Variants in AGGF1 observed in about 807,000 individuals in gnomAD.
AGGF1 encodes the protein angiogenic factor with G patch and FHA domains 1.
Under a neutral mutation model 86.5 loss-of-function variants are expected in AGGF1, and 56 were observed. That is an observed-to-expected ratio of 0.65 (90% confidence interval 0.52 to 0.81). The LOEUF is 0.81. Among genes scored for constraint, AGGF1 ranks in the 30% least tolerant of loss-of-function variants. AGGF1 has a pLI of 0.00. For missense variants in AGGF1, 816 were observed against 850.9 expected (o/e 0.96, Z 0.51); for synonymous variants, 313 against 297.1 (o/e 1.05, Z -0.55).
chr5:77,049,619 G>A (rs929396833), intron 8 of AGGF1, among the ~76,000 whole-genome samples: 4 of 146,724 alleles, frequency 2.7e-5, no homozygotes, highest in East Asian at 2.0e-4. Flanking sequence ...ATGTGATCAC[G>A]ACTCACTGCA....
At position 77,045,271 on chromosome 5, in the gene AGGF1, A is replaced by G. The variant is rs941870662; in HGVS notation, c.871-1076A>G. Among the ~76,000 whole-genome samples, 18 of 152,344 alleles carry G rather than the reference A, an allele frequency of 1.2e-4. 1 individual carries two copies. The highest frequency in any genetic ancestry group is 2.1e-4 in the South Asian group (1 of 4,834). ...TTGACCATTGTATAACACGGTGACT[A>G]TTGTTAATAACAATGTGTTGTATTA... On this transcript the variant is annotated intron_variant, in intron 5 of 13. Coordinates refer to ENST00000312916, the MANE Select transcript of AGGF1 (RefSeq NM_018046.5).
In AGGF1 at chr5:77,054,100, C is replaced by T; in HGVS notation, c.1603C>T (p.Leu535Phe). The stretch of plus-strand genomic sequence containing the variant: ...TGAACCAGGGCAGGTTAGAGCCCAC[C>T]TTCGCCTTGATAAGAAAGATGAATC... ...GCEPGQVRAHLRLDKKDESFV... is the reference protein window; with the variant it reads ...GCEPGQVRAHFRLDKKDESFV... Residue 535 changes from leucine (L) to phenylalanine (F), a missense_variant, in exon 10 of 14, where the codon CTT becomes TTT. Transcript: ENST00000312916. 2.5e-6 allele frequency: 4 copies of T among 1,614,158 alleles called. No individual in the cohort carries two copies. The highest frequency in any genetic ancestry group is 3.4e-6 in the Non-Finnish European group (4 of 1,180,026).
At chr5:77,046,919 C>T (rs1420960962) in intron 6 of AGGF1, among the ~76,000 whole-genome samples, 3 of 152,138 alleles carry the variant, frequency 2.0e-5, no homozygotes, top group Non-Finnish European at 4.4e-5. Flanking sequence ...CAGTAGAATA[C>T]AAAGCCAGGT....
chr5:77,036,539 G>A lies in AGGF1; in HGVS notation c.517-17G>A. On this transcript the variant is annotated splice_polypyrimidine_tract_variant and intron_variant, in intron 3 of 13. Coordinates refer to ENST00000312916, the MANE Select transcript of AGGF1 (RefSeq NM_018046.5). ...CAGAAGCTTTTGTCTTATTTGGCATGACTATATCTTTTATAGGAGCCAGCA... is the reference window on the plus strand; with the variant it reads ...CAGAAGCTTTTGTCTTATTTGGCATAACTATATCTTTTATAGGAGCCAGCA... 1 of 1,613,676 alleles carries A rather than the reference G, an allele frequency of 6.2e-7. No homozygotes were observed.
intron 5 of AGGF1, among the ~76,000 whole-genome samples, chr5:77,042,502 C>A (rs1580127194): frequency 3.1e-5 from 2 of 64,144 alleles, no homozygotes; most frequent in African/African-American, 4.7e-5. Context: ...TGACCCCCCC[C>A]ACCTCCCTCC....
intron 11 of AGGF1, among the ~76,000 whole-genome samples, chr5:77,056,520 GC>G (rs1747464543): frequency 6.6e-6 from 1 of 151,482 alleles, no homozygotes; most frequent in African/African-American, 2.4e-5. Context: ...GAGCCACTGT[GC>G]CCGGCCAAGA....
Position 77,033,368 on chromosome 5 carries a change from G to A in AGGF1, c.211-1050G>A, listed in dbSNP as rs115507528. ...GTTAGGACAACGAATATTTCAGGTG[G>A]TTTTGTGAATTAATGAGATGTTATC... On this transcript the variant is annotated intron_variant, in intron 1 of 13. Coordinates refer to ENST00000312916, the MANE Select transcript of AGGF1 (RefSeq NM_018046.5). Among the ~76,000 whole-genome samples, 570 of 152,292 alleles carry A rather than the reference G, an allele frequency of 3.7e-3. 2 individuals carry two copies. The highest frequency in any genetic ancestry group is 6.7e-3 in the Non-Finnish European group (453 of 68,028).
rs768293306 is a variant in AGGF1, at chr5:77,052,851, A to T, written c.1467+44A>T. On this transcript the variant is annotated intron_variant, in intron 9 of 13. Coordinates refer to ENST00000312916, the MANE Select transcript of AGGF1 (RefSeq NM_018046.5). Reference sequence around the variant, plus strand: ...ATTTGTTACCTGCACATTATTTTTAAACTGATTTTTTTTTATTTCTGAAGG... The same window carrying T: ...ATTTGTTACCTGCACATTATTTTTATACTGATTTTTTTTTATTTCTGAAGG... 46 of 1,479,952 alleles carry T rather than the reference A, an allele frequency of 3.1e-5. No homozygotes were observed. The Middle Eastern group carries it at 6.9e-4, about 22-fold the overall frequency. 91.7% of individuals were successfully genotyped at this position (1,479,952 alleles called of 1,614,324 possible). A position where few individuals can be genotyped will look rare whatever the true frequency, so the allele number is the denominator to read the frequency against.
intron 2 of AGGF1, 86 bp from the exon 3 acceptor site, chr5:77,035,455 G>T: frequency 1.0e-6 from 1 of 1,000,564 alleles, no homozygotes; most frequent in Admixed American, 2.3e-5. Flanking sequence ...TGCTTTTTGT[G>T]TTTAAATGCC....
intron 4 of AGGF1, 98 bp downstream of exon 4, chr5:77,036,818 A>G: frequency 7.6e-7 from 1 of 1,322,464 alleles, no homozygotes; most frequent in Non-Finnish European, 1.1e-6. Flanking sequence ...GCTCACTGCA[A>G]CTTTCACCCC....
chr5:77,035,506 A>T (rs771121222), intron 2 of AGGF1, 35 bp from the exon 3 acceptor site: 1 of 1,507,548 alleles, frequency 6.6e-7, no homozygotes, highest in South Asian at 1.2e-5. Flanking sequence ...CATTATTCTA[A>T]TATGATACGA....
In AGGF1 at chr5:77,039,635, G is replaced by A. The variant is rs1398716532; in HGVS notation, c.786G>A (p.Pro262=). 17 of 1,612,950 alleles carry A rather than the reference G, an allele frequency of 1.1e-5. No individual in the cohort carries two copies. Among genetic ancestry groups the A allele is most frequent in the South Asian group, 7.7e-5 (7 of 90,936 alleles). The change falls in exon 5 of 14, where the codon CCG becomes CCA. Residue 262 remains proline, a synonymous_variant. Transcript: ENST00000312916. ...CTCGAGTAGATTTGCAACCTTATCC[G>A]ACTTCTAGCACAAAACAAAGTAAAG... ...FHSRVDLQPY[P]TSSTKQSKDK...
chr5:77,060,842 A>G (rs964100516), intron 12 of AGGF1, among the ~76,000 whole-genome samples: 4 of 152,186 alleles, frequency 2.6e-5, no homozygotes, highest in Non-Finnish European at 4.4e-5. Context: ...TTTAAGTTTA[A>G]TGTTTAAAAT....
intron 13 of AGGF1, 70 bp downstream of exon 13, chr5:77,061,872 A>T (rs1296567659): frequency 6.9e-7 from 1 of 1,446,382 alleles, no homozygotes; most frequent in Non-Finnish European, 9.7e-7. Flanking sequence ...TAATGTGCCA[A>T]ACGTTGCCTT....
intron 1 of AGGF1, among the ~76,000 whole-genome samples, chr5:77,031,290 T>C (rs572933070): frequency 6.7e-4 from 102 of 152,322 alleles, no homozygotes; most frequent in African/African-American, 1.9e-3. Context: ...ACATTTGAGT[T>C]TATTAAAATG....
Position 77,035,631 on chromosome 5 carries a change from C to T in AGGF1, c.404C>T (p.Ser135Phe). ...CAACAAGATCAAGCTATCGAAACTT[C>T]TATTTTGAATTCTAAAGACCATTTA... ...SDQQDQAIET[S>F]ILNSKDHLQV... The change falls in exon 3 of 14, where the codon TCT becomes TTT. Residue 135 changes from serine to phenylalanine, a missense_variant. Around this residue, in one of 3 missense-constraint regions of AGGF1, gnomAD observed 240 missense variants for 234.4 expected, o/e 1.02. Coordinates refer to ENST00000312916, the MANE Select transcript of AGGF1 (RefSeq NM_018046.5). 6.2e-7 allele frequency: 1 copy of T among 1,613,548 alleles called. No individual in the cohort carries two copies. Among genetic ancestry groups the T allele is most frequent in the Non-Finnish European group, 8.5e-7 (1 of 1,179,654 alleles).
At chr5:77,039,834 T>C in intron 5 of AGGF1, 115 bp downstream of exon 5, 1 of 876,992 alleles carries the variant, frequency 1.1e-6, no homozygotes, top group Non-Finnish European at 1.8e-6. Flanking sequence ...ACATACCCAT[T>C]AAGATAACCT....
chr5:77,044,482 A>G (rs1026234395), intron 5 of AGGF1, among the ~76,000 whole-genome samples: 2 of 152,214 alleles, frequency 1.3e-5, no homozygotes, highest in South Asian at 2.1e-4. Context: ...GATAGGAGTA[A>G]ATAATTTGAA....
At chr5:77,040,080 G>A (rs1209110604) in intron 5 of AGGF1, among the ~76,000 whole-genome samples, 1 of 150,792 alleles carries the variant, frequency 6.6e-6, no homozygotes, top group East Asian at 1.9e-4. Flanking sequence ...TCTTAGTTAT[G>A]TGGAGCAATT....
Sources: gnomAD v4.1 joint callset for allele counts (sites outside exome capture counted in the v4.1 genomes callset) on GRCh38, gnomAD v4.1.1 for gene constraint, gnomAD v4.1.1 regional missense constraint, MANE v1.5 for transcripts, NCBI Gene and HGNC (gene_info 2026-07-23, HGNC 2026-07-21) for gene names.